HSPA9: variants seen among roughly 807,000 people sequenced by gnomAD.
HSPA9 encodes the protein heat shock protein family A (Hsp70) member 9.
A neutral mutation model predicts 81.5 loss-of-function variants in HSPA9; 28 were observed. The ratio of observed to expected loss-of-function variants is 0.34; its 90% CI spans 0.25 to 0.47. HSPA9 has a LOEUF of 0.47. Ranked by LOEUF, HSPA9 falls within the 20% of genes least tolerant of loss-of-function variation. The pLI, the probability that HSPA9 is intolerant of heterozygous loss-of-function variation, is 1.00. For missense variants in HSPA9, 678 were observed against 838.0 expected, an observed-to-expected ratio of 0.81 and a Z score of 2.36; for synonymous variants, 293 against 290.4, an observed-to-expected ratio of 1.01 and a Z score of -0.09.
chr5:138,556,517 T>TA lies in HSPA9; in HGVS notation c.1896dup (p.Ile633TyrfsTer2). On this transcript the variant is annotated frameshift_variant, in exon 16 of 17. Coordinates refer to ENST00000297185, the MANE Select transcript of HSPA9 (RefSeq NM_004134.7). LOFTEE classifies it high-confidence loss of function. ...TGAAGAGAGGATGCTGCCTGTCTAA[T>TA]ATTTTCTCCTGTTTCGCTGTCTTTT... is the stretch of plus-strand genomic sequence containing the variant. The TA allele has an allele frequency of 6.2e-7, 1 of 1,614,138 alleles. No individual in the cohort carries two copies.
rs748668795 is a variant in HSPA9, at chr5:138,575,390, G to T, written c.-72C>A. 51 of 1,343,098 alleles carry T rather than the reference G, an allele frequency of 3.8e-5. 1 individual carries two copies. In the East Asian group the frequency reaches 1.1e-3, roughly 29 times the overall value. The allele number at this position is 1,343,098 out of a possible 1,614,324, so 83.2% of individuals were successfully genotyped here. The stretch of plus-strand genomic sequence containing the variant: ...GCAAAGAGCTGCGCGATGCGGTGGC[G>T]GCAGCGCTTCTGGAAACCTCCAACC... On this transcript the variant is annotated 5_prime_UTR_variant, in exon 1 of 17. Coordinates refer to ENST00000297185, the MANE Select transcript of HSPA9 (RefSeq NM_004134.7).
chr5:138,563,087 G>C (rs1251679358), intron 9 of HSPA9, among the ~76,000 whole-genome samples: 1 of 152,196 alleles, frequency 6.6e-6, no homozygotes, highest in Non-Finnish European at 1.5e-5. Flanking sequence ...ACCATCTGTA[G>C]AATAGTGATA....
chr5:138,573,641 C>CAAAAAAAAAAAAAAAAAAA (rs57776368), intron 3 of HSPA9, 122 bp downstream of exon 3: 1 of 217,046 alleles, frequency 4.6e-6, no homozygotes, highest in Non-Finnish European at 8.2e-6. Context: ...AGACTGTCTC[C>CAAAAAAAAAAAAAAAAAAA]AAAAAAAAAA....
intron 10 of HSPA9, among the ~76,000 whole-genome samples, chr5:138,560,581 G>C (rs1221967908): frequency 1.4e-5 from 2 of 142,590 alleles, no homozygotes; most frequent in East Asian, 4.3e-4. Context: ...TTTTTTTTGA[G>C]ACGGAGTCTC....
Position 138,561,673 on chromosome 5 carries a change from G to A in HSPA9, c.1089C>T (p.Ile363=). The A allele has an allele frequency of 3.7e-6, 6 of 1,614,106 alleles. No homozygotes were observed. Among genetic ancestry groups the A allele is most frequent in the Middle Eastern group, 1.7e-4 (1 of 6,060 alleles). The change falls in exon 10 of 17, where the codon ATC becomes ATT. Residue 363 remains isoleucine, a synonymous_variant. Transcript: ENST00000297185. ...GIVTDLIRRT[I]APCQKAMQDA... is the part of the protein sequence containing the mutation. ...CTTGCATAGCTTTTTGGCATGGAGC[G>A]ATAGTCCTTCTGATTAGATCAGTGA...
intron 4 of HSPA9, 113 bp downstream of exon 4, chr5:138,570,847 A>G: frequency 5.2e-6 from 5 of 962,132 alleles, no homozygotes; most frequent in Non-Finnish European, 8.5e-6. Flanking sequence ...TAGGGACAAT[A>G]AGTAAAATTA....
intron 3 of HSPA9, among the ~76,000 whole-genome samples, chr5:138,572,518 G>A (rs1274357325): frequency 3.3e-5 from 5 of 152,274 alleles, no homozygotes; most frequent in South Asian, 2.1e-4. Context: ...TTGTTCATTG[G>A]AGCAGGCTAT....
In HSPA9 at chr5:138,555,768, T is replaced by C. The variant is rs980801518; in HGVS notation, c.*269A>G. The C allele has an allele frequency of 1.6e-5, 8 of 501,806 alleles. No homozygotes were observed. The Admixed American group carries it at 1.6e-4, about 10-fold the overall frequency. 31.1% of individuals were successfully genotyped at this position (501,806 alleles called of 1,614,324 possible). ...TCAGCATAAAATAGTTAAATCTTTA[T>C]AATGATCAATTCATCCTACCTCCTT... On this transcript the variant is annotated 3_prime_UTR_variant, in exon 17 of 17. Coordinates refer to ENST00000297185, the MANE Select transcript of HSPA9 (RefSeq NM_004134.7).
Position 138,555,551 on chromosome 5 carries a change from C to A in HSPA9, c.*486G>T. ...ATTGTTCTAGATTCCTCTGCCCCAT[C>A]TACAAACATGGCACAGCCAGCTTGA... On this transcript the variant is annotated 3_prime_UTR_variant, in exon 17 of 17. Transcript: ENST00000297185. 5.2e-6 allele frequency: 1 copy of A among 192,850 alleles called. No homozygotes were observed. Among genetic ancestry groups the A allele is most frequent in the Non-Finnish European group, 1.1e-5 (1 of 92,384 alleles). 11.9% of individuals were successfully genotyped at this position (192,850 alleles called of 1,614,324 possible).
At chr5:138,571,684 T>A (rs963549011) in intron 3 of HSPA9, among the ~76,000 whole-genome samples, 18 of 151,370 alleles carry the variant, frequency 1.2e-4, no homozygotes, top group African/African-American at 4.1e-4. Context: ...CTCGCTCTTG[T>A]CACCCAGACT....
At position 138,567,024 on chromosome 5, in the gene HSPA9, T is replaced by C. The variant is rs1314699190; in HGVS notation, c.856A>G (p.Ile286Val). The C allele has an allele frequency of 6.2e-7, 1 of 1,608,170 alleles. No individual in the cohort carries two copies. Among genetic ancestry groups the C allele is most frequent in the Admixed American group, 1.7e-5 (1 of 59,952 alleles). ...EDFDQALLRH[I>V]VKEFKRETGV... ...ACCTCTCTCTTGAACTCCTTCACAA[T>C]GTGCCGTAGCAAGGCCTGGTCAAAG... The change falls in exon 8 of 17, where the codon ATT becomes GTT. Residue 286 changes from isoleucine to valine, a missense_variant. By Grantham distance (29) the Ile-to-Val change is conservative. This residue lies in a region of HSPA9 where 484 missense variants were observed against 647.5 expected (regional missense o/e 0.75). Transcript: ENST00000297185.
rs1296555461 is a variant in HSPA9, at chr5:138,555,062, A to G, written c.*975T>C. The G allele has an allele frequency of 2.1e-5, 3 of 146,318 alleles. No homozygotes were observed. Among genetic ancestry groups the G allele is most frequent in the Non-Finnish European group, 3.0e-5 (2 of 67,394 alleles). 9.1% of individuals were successfully genotyped at this position (146,318 alleles called of 1,614,324 possible). ...AGAGATCTAAAAACTTTCATGTTAG[A>G]GATCTAGAAACTTTCATGTTAGAGA... is the stretch of plus-strand genomic sequence containing the variant. On this transcript the variant is annotated 3_prime_UTR_variant, in exon 17 of 17. Coordinates refer to ENST00000297185, the MANE Select transcript of HSPA9 (RefSeq NM_004134.7).
intron 1 of HSPA9, 96 bp downstream of exon 1, chr5:138,575,142 A>G (rs759925968): frequency 1.2e-5 from 10 of 811,566 alleles, no homozygotes; most frequent in Non-Finnish European, 2.1e-5. Flanking sequence ...TATACTGGAG[A>G]ATTCAAACCC....
At chr5:138,565,354 AT>A (rs1750740859) in intron 9 of HSPA9, among the ~76,000 whole-genome samples, 1 of 152,080 alleles carries the variant, frequency 6.6e-6, no homozygotes, top group South Asian at 2.1e-4. Context: ...GTGTATAACT[AT>A]GTCACTCCTC....
intron 15 of HSPA9, 80 bp from the exon 16 acceptor site, chr5:138,556,672 T>A: frequency 6.4e-7 from 1 of 1,565,488 alleles, no homozygotes; most frequent in Non-Finnish European, 8.8e-7. Context: ...TAGAAACATT[T>A]TAAAATAATT....
At chr5:138,556,956 T>C (rs1750541256) in intron 14 of HSPA9, 90 bp from the exon 15 acceptor site, 1 of 880,904 alleles carries the variant, frequency 1.1e-6, no homozygotes, top group African/African-American at 1.6e-5. Context: ...ATGTGTTACA[T>C]ACAGTTACAG....
rs770041316 is a variant in HSPA9 at position 138,560,113 on chromosome 5, C to G, written c.1183-22G>C. 3 of 1,586,558 alleles carry G rather than the reference C, an allele frequency of 1.9e-6. No homozygotes were observed. The South Asian group carries it at 3.3e-5, about 18-fold the overall frequency. On this transcript the variant is annotated intron_variant, in intron 10 of 16. Transcript: ENST00000297185. Reference sequence around the variant, plus strand: ...GAACCTGAACATCAAGGAAAAAGAACCTGTCGGCCCACACTTGGGAACTAC... The same window carrying G: ...GAACCTGAACATCAAGGAAAAAGAAGCTGTCGGCCCACACTTGGGAACTAC...
intron 11 of HSPA9, among the ~76,000 whole-genome samples, 154 bp from the exon 12 acceptor site, chr5:138,558,811 A>G (rs1190210801): frequency 6.6e-6 from 1 of 152,212 alleles, no homozygotes; most frequent in Non-Finnish European, 1.5e-5. Flanking sequence ...TAGGGAATAG[A>G]AGTAGGATTA....
chr5:138,563,516 A>G (rs967225305), intron 9 of HSPA9, among the ~76,000 whole-genome samples: 2 of 152,078 alleles, frequency 1.3e-5, no homozygotes, highest in African/African-American at 4.8e-5. Flanking sequence ...TTCTCAACAC[A>G]TGGTTACCAA....
Sources: gnomAD v4.1 joint callset for allele counts (sites outside exome capture counted in the v4.1 genomes callset) on GRCh38, gnomAD v4.1.1 for gene constraint, gnomAD v4.1.1 regional missense constraint, MANE v1.5 for transcripts, NCBI Gene and HGNC (gene_info 2026-07-23, HGNC 2026-07-21) for gene names.